The following TDRP variants were observed in gnomAD, a reference collection of about 807,000 sequenced individuals.
The protein encoded by TDRP is testis development-related protein.
TDRP carries 12 observed loss-of-function variants against 10.5 expected under a neutral mutation model. The observed-to-expected ratio is 1.15, with a 90% CI of 0.73 to 1.86. TDRP has a LOEUF of 1.86. Among genes scored for constraint, TDRP ranks in the 40% most tolerant of loss-of-function variants. The pLI is 0.00. For missense variants in TDRP, 353 were observed against 229.2 expected (o/e 1.54, Z -3.49); for synonymous variants, 139 against 95.4 (o/e 1.46, Z -2.67).
chr8:525,721 TACC>T (rs954507239), intron 1 of TDRP, among the ~76,000 whole-genome samples: 15 of 151,974 alleles, frequency 9.9e-5, no homozygotes, highest in African/African-American at 3.6e-4. Context: ...AATTAAAACA[TACC>T]ACAAGAGAAA....
chr8:524,459 A>G lies in TDRP; in HGVS notation c.108+20191T>C, dbSNP rs146522526. On this transcript the variant is annotated intron_variant, in intron 1 of 2. Transcript: ENST00000324079. ...CCTCACCAAACAAACTAAAGGCCTC[A>G]GAAACAGAGATATGTGACCTTTCAC... Among the ~76,000 whole-genome samples, 63 of 152,344 alleles carry G rather than the reference A, an allele frequency of 4.1e-4. 1 individual carries two copies. Among genetic ancestry groups the G allele is most frequent in the Middle Eastern group, 6.8e-3 (2 of 294 alleles).
intron 1 of TDRP, among the ~76,000 whole-genome samples, chr8:519,569 C>T (rs1001757864): frequency 6.6e-6 from 1 of 151,938 alleles, no homozygotes; most frequent in Non-Finnish European, 1.5e-5. Flanking sequence ...GACTGAAAAA[C>T]CCCCCTCTCC....
intron 1 of TDRP, among the ~76,000 whole-genome samples, chr8:543,189 G>A (rs1382857132): frequency 6.6e-6 from 1 of 152,120 alleles, no homozygotes. Context: ...GTGCGCACTT[G>A]TAGTCCCAGC....
At chr8:525,399 A>C (rs1298066734) in intron 1 of TDRP, among the ~76,000 whole-genome samples, 4 of 152,232 alleles carry the variant, frequency 2.6e-5, no homozygotes, top group East Asian at 1.9e-4. Flanking sequence ...TACTAAGTAC[A>C]TAGAAAAACA....
chr8:494,377 G>A (rs1013602889), intron 2 of TDRP, 117 bp downstream of exon 2: 85 of 924,464 alleles, frequency 9.2e-5, no homozygotes, highest in South Asian at 9.6e-5. Flanking sequence ...TGGACTCGCC[G>A]CGCCCCACAA....
intron 1 of TDRP, among the ~76,000 whole-genome samples, chr8:537,406 C>G (rs1214076644): frequency 6.6e-6 from 1 of 152,226 alleles, no homozygotes; most frequent in African/African-American, 2.4e-5. Context: ...TACCAGAAAA[C>G]CAAATCCTAA....
chr8:492,930 T>G (rs1801022393), intron 2 of TDRP, among the ~76,000 whole-genome samples, 186 bp from the exon 3 acceptor site: 1 of 152,198 alleles, frequency 6.6e-6, no homozygotes, highest in African/African-American at 2.4e-5. Flanking sequence ...GTTAATGAAG[T>G]GTGTAAAAGC....
Position 491,510 on chromosome 8 carries a change from A to T in TDRP, c.*889T>A. On this transcript the variant is annotated 3_prime_UTR_variant, in exon 3 of 3. Coordinates refer to ENST00000324079, the MANE Select transcript of TDRP (RefSeq NM_001384899.1). Reference sequence around the variant, plus strand: ...CACAGCTTCTTACAGATCTAACACCAATCACAATAGGCATCTCGCTTTGCA... The same window carrying T: ...CACAGCTTCTTACAGATCTAACACCTATCACAATAGGCATCTCGCTTTGCA... 8.8e-7 allele frequency: 1 copy of T among 1,134,320 alleles called. No individual in the cohort carries two copies. Among genetic ancestry groups the T allele is most frequent in the Non-Finnish European group, 1.2e-6 (1 of 828,606 alleles). The allele number at this position is 1,134,320 out of a possible 1,614,324, so 70.3% of individuals were successfully genotyped here.
chr8:502,527 C>G (rs563493597), intron 1 of TDRP, among the ~76,000 whole-genome samples: 1 of 152,196 alleles, frequency 6.6e-6, no homozygotes, highest in African/African-American at 2.4e-5. Context: ...AAAACTAGCT[C>G]GGGTGACCTA....
intron 1 of TDRP, among the ~76,000 whole-genome samples, chr8:520,640 T>C (rs1367794435): frequency 6.6e-6 from 1 of 152,250 alleles, no homozygotes; most frequent in Admixed American, 6.5e-5. Flanking sequence ...GCCATACTAA[T>C]GGTTGTGAGG....
intron 1 of TDRP, among the ~76,000 whole-genome samples, chr8:515,911 T>G (rs1395678319): frequency 6.6e-6 from 1 of 151,756 alleles, no homozygotes; most frequent in Non-Finnish European, 1.5e-5. Context: ...TGGCTGAATA[T>G]AAAAGAAATA....
chr8:524,881 A>T (rs1801997957), intron 1 of TDRP, among the ~76,000 whole-genome samples: 1 of 152,122 alleles, frequency 6.6e-6, no homozygotes, highest in Non-Finnish European at 1.5e-5. Flanking sequence ...AACGAGAGAG[A>T]AGGGTAGAAA....
At chr8:497,775 G>C (rs1041737181) in intron 1 of TDRP, among the ~76,000 whole-genome samples, 7 of 152,166 alleles carry the variant, frequency 4.6e-5, no homozygotes, top group Admixed American at 2.6e-4. Flanking sequence ...GGGAAAAATG[G>C]TTTTCTGGGC....
chr8:507,754 C>G (rs752134494), intron 1 of TDRP, among the ~76,000 whole-genome samples: 2 of 152,190 alleles, frequency 1.3e-5, no homozygotes, highest in Non-Finnish European at 2.9e-5. Context: ...GGGGAACAGT[C>G]AGTACCCAGA....
intron 1 of TDRP, among the ~76,000 whole-genome samples, chr8:542,247 G>A (rs76449044): frequency 0.014 from 2,206 of 152,228 alleles, 35 homozygotes; most frequent in African/African-American, 0.047. Flanking sequence ...CAGGGGTTCC[G>A]GGGAGGGAGG....
rs778907696 is a variant in TDRP at position 519,864 on chromosome 8, C to T, written c.108+24786G>A. Among the ~76,000 whole-genome samples the T allele has an allele frequency of 4.6e-5, 7 of 152,168 alleles. No individual in the cohort carries two copies. In the East Asian group the frequency reaches 7.7e-4, roughly 17 times the overall value. On this transcript the variant is annotated intron_variant, in intron 1 of 2. Transcript: ENST00000324079. ...TTGTTCCACCTGGTGAAGGGGCTGG[C>T]GCCACTGTGGCCAGAGGTGTCTGAT...
chr8:520,385 T>C lies in TDRP; in HGVS notation c.108+24265A>G, dbSNP rs141080583. Among the ~76,000 whole-genome samples the C allele has an allele frequency of 2.0e-5, 3 of 152,336 alleles. No homozygotes were observed. The East Asian group carries it at 5.8e-4, about 29-fold the overall frequency. ...GACATGGAGGCTGCTTCTCCTCTTA[T>C]TATAAGTGGTGCTGTAATGAACATG... On this transcript the variant is annotated intron_variant, in intron 1 of 2. Coordinates refer to ENST00000324079, the MANE Select transcript of TDRP (RefSeq NM_001384899.1).
In TDRP at chr8:492,600, T is replaced by C. The variant is rs375096377; in HGVS notation, c.357A>G (p.Ile119Met). ...WEPPKLALED[I>M]SADPEDTVGG... The stretch of plus-strand genomic sequence containing the variant: ...CCACGGTGTCCTCAGGGTCAGCCGA[T>C]ATGTCTTCAAGAGCAAGTTTTGGAG... The change falls in exon 3 of 3, where the codon ATA (isoleucine) becomes ATG (methionine). Residue 119 changes from isoleucine to methionine, a missense_variant. Coordinates refer to ENST00000324079, the MANE Select transcript of TDRP (RefSeq NM_001384899.1). 6.2e-7 allele frequency: 1 copy of C among 1,613,988 alleles called. No individual in the cohort carries two copies.
Position 494,608 on chromosome 8 carries a change from G to C in TDRP, c.109-11C>G. On this transcript the variant is annotated splice_polypyrimidine_tract_variant and intron_variant, in intron 1 of 2. Coordinates refer to ENST00000324079, the MANE Select transcript of TDRP (RefSeq NM_001384899.1). Reference sequence around the variant, plus strand: ...ACTTGCTCCCTGAACCTAATAAAAGGTTAAGAAAAATGTCAAATCTGATGT... The same window carrying C: ...ACTTGCTCCCTGAACCTAATAAAAGCTTAAGAAAAATGTCAAATCTGATGT... 1 of 1,611,336 alleles carries C rather than the reference G, an allele frequency of 6.2e-7. No individual in the cohort carries two copies. The highest frequency in any genetic ancestry group is 8.5e-7 in the Non-Finnish European group (1 of 1,178,046).
Sources: gnomAD v4.1 joint callset for allele counts (sites outside exome capture counted in the v4.1 genomes callset) on GRCh38, gnomAD v4.1.1 for gene constraint, MANE v1.5 for transcripts, NCBI Gene and HGNC (gene_info 2026-07-23, HGNC 2026-07-21) for gene names.